TRPM3: variants seen among roughly 807,000 people sequenced by gnomAD.
TRPM3 encodes the protein transient receptor potential cation channel subfamily M member 3.
Under a neutral mutation model 181.2 loss-of-function variants are expected in TRPM3, and 77 were observed. The observed-to-expected ratio is 0.42, with a 90% CI of 0.35 to 0.51. The LOEUF is 0.51. Ranked by LOEUF, TRPM3 falls within the 20% of genes least tolerant of loss-of-function variation. The pLI is 0.01. For missense variants in TRPM3, 1,759 were observed against 2,196.7 expected (o/e 0.80, Z 3.98); for synonymous variants, 745 against 796.4 (o/e 0.94, Z 1.09).
intron 1 of TRPM3, among the ~76,000 whole-genome samples, chr9:71,272,951 T>C (rs1191753633): frequency 6.6e-6 from 1 of 151,924 alleles, no homozygotes; most frequent in East Asian, 1.9e-4. Context: ...CTCAGCTCAC[T>C]GCAACCTTCG....
At chr9:70,651,041 G>A (rs1212968782) in intron 9 of TRPM3, among the ~76,000 whole-genome samples, 3 of 151,916 alleles carry the variant, frequency 2.0e-5, no homozygotes, top group African/African-American at 4.8e-5. Flanking sequence ...ATAGTAACAC[G>A]ACAATAAAAA....
At chr9:71,085,598 C>A (rs924514131) in intron 1 of TRPM3, among the ~76,000 whole-genome samples, 9 of 151,656 alleles carry the variant, frequency 5.9e-5, no homozygotes, top group African/African-American at 1.9e-4. Context: ...ATGAACAGTG[C>A]TCCACATCAC....
chr9:70,962,579 A>C (rs2097147379), intron 1 of TRPM3, among the ~76,000 whole-genome samples: 1 of 152,180 alleles, frequency 6.6e-6, no homozygotes, highest in East Asian at 1.9e-4. Context: ...ATATGTTCCA[A>C]GACTCCCAGT....
chr9:71,077,966 G>A (rs2063706153), intron 1 of TRPM3, among the ~76,000 whole-genome samples: 1 of 143,738 alleles, frequency 7.0e-6, no homozygotes, highest in Non-Finnish European at 1.5e-5. Context: ...AACCACACAA[G>A]CTTCTTGGTG....
At chr9:71,322,166 T>G (rs2089283282) in intron 1 of TRPM3, among the ~76,000 whole-genome samples, 1 of 152,050 alleles carries the variant, frequency 6.6e-6, no homozygotes. Flanking sequence ...AACTTGAATT[T>G]TGAGGGATAG....
At chr9:70,942,747 T>C (rs1230257492) in intron 1 of TRPM3, among the ~76,000 whole-genome samples, 3 of 152,160 alleles carry the variant, frequency 2.0e-5, no homozygotes, top group Admixed American at 2.0e-4. Context: ...ACCATTAACC[T>C]CTGTGGATCA....
At chr9:70,747,472 C>A (rs1315095272) in intron 8 of TRPM3, among the ~76,000 whole-genome samples, 3 of 152,122 alleles carry the variant, frequency 2.0e-5, no homozygotes, top group Non-Finnish European at 4.4e-5. Flanking sequence ...GAATTTTGGA[C>A]TGAAACTGCA....
chr9:70,760,443 T>C (rs1172672134), intron 8 of TRPM3, among the ~76,000 whole-genome samples: 1 of 146,936 alleles, frequency 6.8e-6, no homozygotes, highest in Non-Finnish European at 1.5e-5. Flanking sequence ...GGGTGGTACC[T>C]TCGTGCGTAG....
chr9:71,217,274 T>C (rs991645795), intron 1 of TRPM3, among the ~76,000 whole-genome samples: 17 of 152,126 alleles, frequency 1.1e-4, no homozygotes, highest in Admixed American at 8.5e-4. Context: ...TAAAACATTC[T>C]CTCTCCTATA....
At position 70,843,076 on chromosome 9, in the gene TRPM3, C is replaced by A; in HGVS notation, c.728G>T (p.Arg243Leu). ...AATACCTATGGTGCATATCTTTCCT[C>A]GAGACTTAGAGGCATGATCCTTCAA... Reference protein sequence around the residue: ...DALKDHASKSRGKICTIGIAP... With the variant: ...DALKDHASKSLGKICTIGIAP... Residue 243 changes from arginine (R) to leucine (L), a missense_variant, in exon 5 of 26, where the codon CGA becomes CTA. Physicochemically the swap from Arg to Leu is moderately radical, Grantham distance 102. Around this residue, in one of 8 missense-constraint regions of TRPM3, gnomAD observed 737 missense variants for 957.4 expected, o/e 0.77. Coordinates refer to ENST00000677713, the MANE Select transcript of TRPM3 (RefSeq NM_001366145.2). The A allele has an allele frequency of 6.2e-7, 1 of 1,613,312 alleles. No individual in the cohort carries two copies. The highest frequency in any genetic ancestry group is 1.1e-5 in the South Asian group (1 of 91,012).
At chr9:71,048,462 G>A (rs1430515892) in intron 1 of TRPM3, among the ~76,000 whole-genome samples, 1 of 152,192 alleles carries the variant, frequency 6.6e-6, no homozygotes, top group Non-Finnish European at 1.5e-5. Flanking sequence ...CACTGGACAT[G>A]CATGAATAGT....
At chr9:70,885,400 G>T (rs1361043286) in intron 1 of TRPM3, among the ~76,000 whole-genome samples, 3 of 152,044 alleles carry the variant, frequency 2.0e-5, no homozygotes, top group Non-Finnish European at 4.4e-5. Flanking sequence ...TTTTTCCCTG[G>T]TTGAAAACCA....
At chr9:70,670,064 T>C (rs1276732897) in intron 9 of TRPM3, among the ~76,000 whole-genome samples, 1 of 152,136 alleles carries the variant, frequency 6.6e-6, no homozygotes, top group Non-Finnish European at 1.5e-5. Flanking sequence ...AGGTGACTAA[T>C]GGGAGAAGGA....
At chr9:71,439,365 T>A (rs1369326421) in intron 1 of TRPM3, among the ~76,000 whole-genome samples, 1 of 152,246 alleles carries the variant, frequency 6.6e-6, no homozygotes, top group Non-Finnish European at 1.5e-5. Flanking sequence ...CTGTTTCCAT[T>A]CAGTGAATAG....
intron 8 of TRPM3, among the ~76,000 whole-genome samples, chr9:70,740,901 C>T (rs1554679962): frequency 1.3e-5 from 2 of 152,142 alleles, no homozygotes; most frequent in Non-Finnish European, 2.9e-5. Flanking sequence ...GACATTGGCT[C>T]AGGCAAAGAC....
At chr9:71,333,409 C>A (rs2090349095) in intron 1 of TRPM3, among the ~76,000 whole-genome samples, 1 of 151,948 alleles carries the variant, frequency 6.6e-6, no homozygotes, top group Non-Finnish European at 1.5e-5. Flanking sequence ...GAGTAGGAAC[C>A]AGCAAACATG....
intron 1 of TRPM3, among the ~76,000 whole-genome samples, chr9:71,445,860 C>G (rs768187363): frequency 1.2e-3 from 189 of 152,214 alleles, no homozygotes; most frequent in Non-Finnish European, 1.9e-3. Context: ...CCTCCTTCCC[C>G]AGGAGCAACA....
intron 1 of TRPM3, among the ~76,000 whole-genome samples, chr9:71,346,197 A>C (rs1432910991): frequency 1.3e-5 from 2 of 152,256 alleles, no homozygotes; most frequent in African/African-American, 4.8e-5. Context: ...TCAACAATAA[A>C]AAGAAATGAA....
intron 1 of TRPM3, among the ~76,000 whole-genome samples, chr9:71,087,575 A>C (rs1322850010): frequency 6.6e-6 from 1 of 152,086 alleles, no homozygotes; most frequent in African/African-American, 2.4e-5. Context: ...CCCAGCAGTG[A>C]AACTGCATTT....
Sources: allele counts gnomAD v4.1 joint callset (sites outside exome capture counted in the v4.1 genomes callset), GRCh38; gene constraint gnomAD v4.1.1; regional missense constraint gnomAD v4.1.1; transcripts MANE v1.5; gene names NCBI Gene and HGNC (gene_info 2026-07-23, HGNC 2026-07-21).